EHD1: variants seen among roughly 807,000 people sequenced by gnomAD.
The protein encoded by EHD1 is EH domain-containing protein 1.
EHD1 carries 19 observed loss-of-function variants against 39.0 expected under a neutral mutation model. The observed-to-expected ratio is 0.49, with a 90% confidence interval of 0.34 to 0.72. EHD1 has a LOEUF of 0.72. EHD1 is among the 30% of genes least tolerant of loss of function. EHD1 has a pLI of 0.01. For missense variants in EHD1, 542 were observed against 751.5 expected (o/e 0.72, Z 3.26); for synonymous variants, 323 against 331.2 (o/e 0.98, Z 0.27).
chr11:64,854,153 C>T lies in EHD1; in HGVS notation c.*180G>A, dbSNP rs1943615420. On this transcript the variant is annotated 3_prime_UTR_variant, in exon 5 of 5. Coordinates refer to ENST00000320631, the MANE Select transcript of EHD1 (RefSeq NM_006795.4). ...TGTGCACACAATTCCATCCTCTCACCCCTGCCTCCCCCGCCAGGCCCAGGA... is the reference window on the plus strand; with the variant it reads ...TGTGCACACAATTCCATCCTCTCACTCCTGCCTCCCCCGCCAGGCCCAGGA... 1 of 1,056,480 alleles carries T rather than the reference C, an allele frequency of 9.5e-7. No homozygotes were observed. Among genetic ancestry groups the T allele is most frequent in the Non-Finnish European group, 1.3e-6 (1 of 754,394 alleles). 65.4% of individuals were successfully genotyped at this position (1,056,480 alleles called of 1,614,324 possible).
rs992772556 is a variant in EHD1 at position 64,851,912 on chromosome 11, C to A, written c.*2421G>T. The A allele has an allele frequency of 1.3e-5, 2 of 152,222 alleles. No individual in the cohort carries two copies. Among genetic ancestry groups the A allele is most frequent in the Non-Finnish European group, 1.5e-5 (1 of 68,048 alleles). The allele number at this position is 152,222 out of a possible 1,614,324, so 9.4% of individuals were successfully genotyped here. On this transcript the variant is annotated 3_prime_UTR_variant, in exon 5 of 5. Transcript: ENST00000320631. ...ATCGTGACAGCGCAGCTCCACCTGG[C>A]ACAGGGTGAATGCCCACAGGTGGCA...
At position 64,859,941 on chromosome 11, in the gene EHD1, G is replaced by A. The variant is rs1003029260; in HGVS notation, c.898C>T (p.Arg300Trp). ...ALRKLNDLIKRARLAKVHAYI... is the reference protein window; with the variant it reads ...ALRKLNDLIKWARLAKVHAYI... The stretch of plus-strand genomic sequence containing the variant: ...GGGTCTACCTTGGCCAGCCGTGCCC[G>A]CTTGATCAGGTCATTGAGCTTCCTG... Residue 300 changes from arginine to tryptophan, a missense_variant, in exon 3 of 5, where the codon CGG becomes TGG. Arg to Trp is a moderately radical substitution (Grantham distance 101, BLOSUM62 -3). Coordinates refer to ENST00000320631, the MANE Select transcript of EHD1 (RefSeq NM_006795.4). The A allele has an allele frequency of 3.1e-6, 5 of 1,612,778 alleles. No homozygotes were observed. Among genetic ancestry groups the A allele is most frequent in the African/African-American group, 1.3e-5 (1 of 75,030 alleles).
At chr11:64,869,039 C>T (rs1412475850) in intron 2 of EHD1, among the ~76,000 whole-genome samples, 1 of 152,216 alleles carries the variant, frequency 6.6e-6, no homozygotes, top group African/African-American at 2.4e-5. Context: ...AATGTTTGCT[C>T]TTATTTACTC....
rs1404796010 is a variant in EHD1 at position 64,878,180 on chromosome 11, G to A, written c.285C>T (p.Asp95=). 1 of 1,606,544 alleles carries A rather than the reference G, an allele frequency of 6.2e-7. No homozygotes were observed. Among genetic ancestry groups the A allele is most frequent in the Non-Finnish European group, 8.5e-7 (1 of 1,173,864 alleles). Reference sequence around the variant, plus strand: ...GGCCGTGCATGACGGCGATGAAGGAGTCGGTGGTGGGCTCGGGCCCGATGC... The same window carrying A: ...GGCCGTGCATGACGGCGATGAAGGAATCGGTGGTGGGCTCGGGCCCGATGC... ...GMRIGPEPTT[D]SFIAVMHGPT... Residue 95 remains aspartate, a synonymous_variant, in exon 1 of 5, where the codon GAC becomes GAT. Transcript: ENST00000320631.
chr11:64,855,626 C>T (rs1300276733), intron 3 of EHD1, 140 bp from the exon 4 acceptor site: 14 of 1,265,106 alleles, frequency 1.1e-5, no homozygotes, highest in African/African-American at 4.5e-5. Context: ...AGCTCAAGGC[C>T]GCTACCACCA....
chr11:64,855,317 C>G lies in EHD1; in HGVS notation c.1080+5G>C, dbSNP rs200472316. 1.4e-5 allele frequency: 22 copies of G among 1,613,392 alleles called. No individual in the cohort carries two copies. The African/African-American group carries it at 2.7e-4, about 20-fold the overall frequency. ...AGCCTGCATGGGGCCTCGGGACAGC[C>G]GTACCTGCATCTTGCGGAGGCTCGG... On this transcript the variant is annotated splice_donor_5th_base_variant and intron_variant, in intron 4 of 4. Coordinates refer to ENST00000320631, the MANE Select transcript of EHD1 (RefSeq NM_006795.4).
chr11:64,871,654 C>T (rs1440791262), intron 2 of EHD1, among the ~76,000 whole-genome samples: 1 of 152,214 alleles, frequency 6.6e-6, no homozygotes. Flanking sequence ...CTCCAATCAG[C>T]GTGATGTGCT....
At chr11:64,857,704 C>G (rs1040863021) in intron 3 of EHD1, among the ~76,000 whole-genome samples, 4 of 152,184 alleles carry the variant, frequency 2.6e-5, no homozygotes, top group African/African-American at 7.2e-5. Flanking sequence ...GTACGAGGGC[C>G]ACTGTGCTCA....
At position 64,875,987 on chromosome 11, in the gene EHD1, G is replaced by A. The variant is rs577465474; in HGVS notation, c.405-1469C>T. The stretch of plus-strand genomic sequence containing the variant: ...CCAGAAAGTGAGTTAATATCTATAG[G>A]ACCCAGAAACCAGTTGCTCTGCAGA... On this transcript the variant is annotated intron_variant, in intron 1 of 4. Transcript: ENST00000320631. Among the ~76,000 whole-genome samples the A allele has an allele frequency of 1.4e-4, 22 of 152,266 alleles. No homozygotes were observed. The East Asian group carries it at 3.9e-3, about 27-fold the overall frequency.
intron 1 of EHD1, among the ~76,000 whole-genome samples, chr11:64,876,847 T>C (rs1943890014): frequency 6.6e-6 from 1 of 152,334 alleles, no homozygotes; most frequent in Middle Eastern, 3.4e-3. Flanking sequence ...AACCTGGCCT[T>C]GACAGACAAA....
upstream of EHD1, chr11:64,878,653 G>A (rs1255866364): frequency 7.2e-7 from 1 of 1,388,712 alleles, no homozygotes; most frequent in Non-Finnish European, 9.3e-7. Context: ...GGCCTTTATA[G>A]GGTCGGTCCC....
intron 3 of EHD1, chr11:64,855,812 A>G (rs1943644881): frequency 2.9e-6 from 1 of 347,612 alleles, no homozygotes; most frequent in Admixed American, 4.4e-5. Flanking sequence ...CAACCCAAAG[A>G]AGGCAATTTG....
rs1440262579 is a variant in EHD1 at position 64,878,618 on chromosome 11, G to A, written c.-154C>T. Reference sequence around the variant, plus strand: ...CCAGCCCGTCGAAGCGCCCTCTGCCGAATGCTGCGCACCCCTCGCGGAGCG... The same window carrying A: ...CCAGCCCGTCGAAGCGCCCTCTGCCAAATGCTGCGCACCCCTCGCGGAGCG... On this transcript the variant is annotated 5_prime_UTR_variant, in exon 1 of 5. Coordinates refer to ENST00000320631, the MANE Select transcript of EHD1 (RefSeq NM_006795.4). 2.1e-6 allele frequency: 3 copies of A among 1,416,940 alleles called. No individual in the cohort carries two copies. Among genetic ancestry groups the A allele is most frequent in the African/African-American group, 1.5e-5 (1 of 67,562 alleles). The allele number at this position is 1,416,940 out of a possible 1,614,324, so 87.8% of individuals were successfully genotyped here.
At chr11:64,872,616 G>T (rs1448843172) in intron 2 of EHD1, among the ~76,000 whole-genome samples, 2 of 149,822 alleles carry the variant, frequency 1.3e-5, no homozygotes, top group Admixed American at 1.3e-4. Flanking sequence ...TTTTAAAGGG[G>T]TCTCCAAATC....
chr11:64,878,555 G>C lies in EHD1; in HGVS notation c.-91C>G. 1 of 1,468,694 alleles carries C rather than the reference G, an allele frequency of 6.8e-7. No homozygotes were observed. The highest frequency in any genetic ancestry group is 9.0e-7 in the Non-Finnish European group (1 of 1,114,064). 91.0% of individuals were successfully genotyped at this position (1,468,694 alleles called of 1,614,324 possible). ...AGCCGAGGCGGGGCCGGCCGGGGCA[G>C]GGAATCGGGAGCGACCCACACTGCG... On this transcript the variant is annotated 5_prime_UTR_variant, in exon 1 of 5. Transcript: ENST00000320631.
intron 3 of EHD1, chr11:64,855,919 GCT>G: frequency 5.3e-5 from 1 of 18,726 alleles, no homozygotes; most frequent in East Asian, 2.8e-3. Flanking sequence ...CACACCCTCC[GCT>G]CAACCCTCAC....
chr11:64,865,296 G>A (rs562766306), intron 2 of EHD1, among the ~76,000 whole-genome samples: 3 of 152,368 alleles, frequency 2.0e-5, no homozygotes, highest in Admixed American at 1.3e-4. Flanking sequence ...CCTAAAAGAC[G>A]CCGGGTTTCA....
chr11:64,860,597 G>A (rs1407448434), intron 2 of EHD1, among the ~76,000 whole-genome samples: 1 of 151,780 alleles, frequency 6.6e-6, no homozygotes, highest in Non-Finnish European at 1.5e-5. Flanking sequence ...GCCGGGCAGG[G>A]TGGCGCGAGC....
rs1179186456 is a variant in EHD1, at chr11:64,868,233, C to A, written c.502+6188G>T. 6.6e-6 allele frequency among the ~76,000 whole-genome samples: 1 copy of A among 152,226 alleles called. No individual in the cohort carries two copies. The highest frequency in any genetic ancestry group is 1.9e-4 in the East Asian group (1 of 5,202). On this transcript the variant is annotated intron_variant, in intron 2 of 4. Coordinates refer to ENST00000320631, the MANE Select transcript of EHD1 (RefSeq NM_006795.4). The surrounding 1 kb of genome is among the most constrained non-coding windows in gnomAD (Gnocchi z 4.2). ...TGGGCTTCAGTATTTCTCGCCCTAG[C>A]TCTCCATCACACAGGTTTCCAACGC...
Sources: gnomAD v4.1 joint callset for allele counts (sites outside exome capture counted in the v4.1 genomes callset) on GRCh38, gnomAD v4.1.1 for gene constraint, Gnocchi (gnomAD v3.1) non-coding constraint, MANE v1.5 for transcripts, NCBI Gene and HGNC (gene_info 2026-07-23, HGNC 2026-07-21) for gene names.